GAREM1: variants seen among roughly 807,000 people sequenced by gnomAD.
GAREM1 encodes the protein GRB2-associated and regulator of MAPK protein 1.
GAREM1 carries 26 observed loss-of-function variants against 71.3 expected under a neutral mutation model. That is an observed-to-expected ratio of 0.36 (90% CI 0.27 to 0.51). The LOEUF (loss-of-function observed/expected upper bound fraction) is 0.51. Among genes scored for constraint, GAREM1 ranks in the 20% least tolerant of loss-of-function variants. The pLI is 0.95. For missense variants in GAREM1, 1,026 were observed against 1,103.1 expected, an observed-to-expected ratio of 0.93 and a Z score of 0.99; for synonymous variants, 440 against 433.2, an observed-to-expected ratio of 1.02 and a Z score of -0.20.
chr18:32,437,049 T>C (rs569651655), intron 1 of GAREM1, among the ~76,000 whole-genome samples: 4 of 152,328 alleles, frequency 2.6e-5, no homozygotes, highest in African/African-American at 7.2e-5. Flanking sequence ...AGTAACTCTA[T>C]AATGTTCTTC....
At chr18:32,408,549 T>C (rs1427711035) in intron 1 of GAREM1, among the ~76,000 whole-genome samples, 3 of 152,182 alleles carry the variant, frequency 2.0e-5, no homozygotes, top group Non-Finnish European at 4.4e-5. Context: ...TCAGCATTAA[T>C]ACCTGACTGA....
At chr18:32,403,604 C>A (rs572277745) in intron 1 of GAREM1, among the ~76,000 whole-genome samples, 1 of 152,226 alleles carries the variant, frequency 6.6e-6, no homozygotes, top group South Asian at 2.1e-4. Flanking sequence ...GAGATAGGTT[C>A]TTGCTCTGTC....
At chr18:32,295,714 G>A (rs2047133019) in intron 3 of GAREM1, among the ~76,000 whole-genome samples, 1 of 152,212 alleles carries the variant, frequency 6.6e-6, no homozygotes, top group Admixed American at 6.5e-5. Context: ...GTTTCCAATA[G>A]TGAAGTGAAT....
At position 32,287,241 on chromosome 18, in the gene GAREM1, G is replaced by A; in HGVS notation, c.1356C>T (p.Pro452=). The A allele has an allele frequency of 1.2e-6, 2 of 1,614,212 alleles. No individual in the cohort carries two copies. Residue 452 remains proline (P), a synonymous_variant, in exon 4 of 6, where the codon CCC becomes CCT. Coordinates refer to ENST00000269209, the MANE Select transcript of GAREM1 (RefSeq NM_001242409.2). The surrounding 1 kb of genome is among the most constrained non-coding windows in gnomAD (Gnocchi z 5.9). ...SAGIPGKSEL[P]YEELWLEEGK... ...CTTCCTCCAGCCACAGCTCTTCGTA[G>A]GGAAGTTCTGACTTTCCCGGGATGC...
intron 2 of GAREM1, among the ~76,000 whole-genome samples, chr18:32,378,760 T>C (rs2144637884): frequency 6.6e-6 from 1 of 152,182 alleles, no homozygotes; most frequent in South Asian, 2.1e-4. Flanking sequence ...CATCCTTCTC[T>C]TCCTGACTCA....
chr18:32,455,104 T>C (rs902292361), intron 1 of GAREM1, among the ~76,000 whole-genome samples: 2 of 152,210 alleles, frequency 1.3e-5, no homozygotes, highest in Non-Finnish European at 2.9e-5. Flanking sequence ...AAAGGTTATG[T>C]AGTAGACAAA....
In GAREM1 at chr18:32,470,371, C is replaced by A. The variant is rs770546920; in HGVS notation, c.58G>T (p.Ala20Ser). 1 of 1,559,196 alleles carries A rather than the reference C, an allele frequency of 6.4e-7. No individual in the cohort carries two copies. Reference protein sequence around the residue: ...SLKDVKWSSVAVPLDLLVSTY... With the variant: ...SLKDVKWSSVSVPLDLLVSTY... ...CTGACCAGGAGGTCGAGCGGCACGG[C>A]CACCGAGCTCCACTTCACATCCTTG... Residue 20 changes from alanine to serine, a missense_variant, in exon 1 of 6, where the codon GCC (alanine) becomes TCC (serine). Physicochemically the swap from Ala to Ser is moderately conservative, Grantham distance 99 (BLOSUM62 1). Around this residue, in one of 3 missense-constraint regions of GAREM1, gnomAD observed 172 missense variants for 175.2 expected, o/e 0.98. Transcript: ENST00000269209. The surrounding 1 kb of genome is among the most constrained non-coding windows in gnomAD (Gnocchi z 4.4).
At chr18:32,345,221 A>G (rs1487807359) in intron 2 of GAREM1, among the ~76,000 whole-genome samples, 1 of 152,228 alleles carries the variant, frequency 6.6e-6, no homozygotes, top group Non-Finnish European at 1.5e-5. Context: ...AATCATAAAG[A>G]TTTCATTCAT....
chr18:32,314,207 C>CA (rs1323004329), intron 2 of GAREM1, among the ~76,000 whole-genome samples: 1 of 151,768 alleles, frequency 6.6e-6, no homozygotes, highest in East Asian at 1.9e-4. Flanking sequence ...AAATTCTTAA[C>CA]AATTATGGTG....
intron 3 of GAREM1, among the ~76,000 whole-genome samples, chr18:32,294,945 G>A (rs929402216): frequency 6.6e-6 from 1 of 152,206 alleles, no homozygotes; most frequent in East Asian, 1.9e-4. Flanking sequence ...TATCATGTAA[G>A]TAATGTCTTT....
intron 1 of GAREM1, among the ~76,000 whole-genome samples, chr18:32,468,960 T>TTCCCCCCCCCCCCCCCCCCCCCCC (rs2049023776): frequency 1.2e-5 from 1 of 82,164 alleles, no homozygotes; most frequent in African/African-American, 4.9e-5. Context: ...CACCTGTGCG[T>TTCCCCCCCCCCCCCCCCCCCCCCC]CCCCCCCCCC....
In GAREM1 at chr18:32,459,465, C is replaced by T. The variant is rs183795565; in HGVS notation, c.121+10843G>A. Among the ~76,000 whole-genome samples, 361 of 151,870 alleles carry T rather than the reference C, an allele frequency of 2.4e-3. 3 individuals are homozygous for T. Among genetic ancestry groups the T allele is most frequent in the Middle Eastern group, 0.01 (3 of 292 alleles). On this transcript the variant is annotated intron_variant, in intron 1 of 5. Transcript: ENST00000269209. ...TCCTCTTAACTGGCCAAAGACAGGA[C>T]CAAAATAAACAGAAAAAATAAGAGT...
chr18:32,387,034 TA>T (rs771568393), intron 2 of GAREM1, among the ~76,000 whole-genome samples: 6,661 of 67,048 alleles, frequency 0.099, 184 homozygotes, highest in African/African-American at 0.19. Flanking sequence ...TTTTTTTTTT[TA>T]AAAAAAAATC....
At position 32,287,527 on chromosome 18, in the gene GAREM1, G is replaced by A; in HGVS notation, c.1070C>T (p.Pro357Leu). The A allele has an allele frequency of 1.2e-6, 2 of 1,614,178 alleles. No individual in the cohort carries two copies. Among genetic ancestry groups the A allele is most frequent in the Non-Finnish European group, 1.7e-6 (2 of 1,180,018 alleles). Residue 357 changes from proline to leucine, a missense_variant, in exon 4 of 6, where the codon CCC becomes CTC. By Grantham distance (98) the Pro-to-Leu change is moderately conservative. This residue lies in a region of GAREM1 where 218 missense variants were observed against 296.8 expected (regional missense o/e 0.73). Transcript: ENST00000269209. This position sits in a 1 kb window ranked among gnomAD's most constrained non-coding sequence, Gnocchi z 5.9. ...KTDWNEECKS[P>L]KKGRCSGHNH... ...GTGGCCAGAGCACCGACCCTTCTTG[G>A]GGCTCTTGCATTCTTCATTCCAGTC...
intron 1 of GAREM1, among the ~76,000 whole-genome samples, chr18:32,458,997 A>T (rs2048926998): frequency 6.6e-6 from 1 of 152,090 alleles, no homozygotes; most frequent in South Asian, 2.1e-4. Context: ...AGGACACTCA[A>T]AACAACTAAT....
chr18:32,362,910 A>C (rs1216607450), intron 2 of GAREM1, among the ~76,000 whole-genome samples: 1 of 152,200 alleles, frequency 6.6e-6, no homozygotes, highest in Non-Finnish European at 1.5e-5. Flanking sequence ...TTTTATACCA[A>C]CTAGCAAAGG....
rs111671137 is a variant in GAREM1, at chr18:32,300,705, G to C, written c.393+9488C>G. Among the ~76,000 whole-genome samples, 1,000 of 152,112 alleles carry C rather than the reference G, an allele frequency of 6.6e-3. 18 individuals carry two copies. Among genetic ancestry groups the C allele is most frequent in the African/African-American group, 0.022 (923 of 41,466 alleles). On this transcript the variant is annotated intron_variant, in intron 3 of 5. Transcript: ENST00000269209. ...GCAAATCGCTTGAGATCGGGAGTTC[G>C]AGACCAGCCTGACCAACATGGAGAA...
At chr18:32,444,464 G>T (rs1244706513) in intron 1 of GAREM1, among the ~76,000 whole-genome samples, 1 of 152,112 alleles carries the variant, frequency 6.6e-6, no homozygotes, top group Non-Finnish European at 1.5e-5. Flanking sequence ...GGAAGAAAAG[G>T]CCTCTGGTTT....
intron 3 of GAREM1, among the ~76,000 whole-genome samples, chr18:32,302,899 TG>T (rs2047214447): frequency 6.6e-6 from 1 of 152,216 alleles, no homozygotes; most frequent in African/African-American, 2.4e-5. Context: ...ACAGTGGCTC[TG>T]CTGCTAGGCA....
Sources: allele counts gnomAD v4.1 joint callset (sites outside exome capture counted in the v4.1 genomes callset), GRCh38; gene constraint gnomAD v4.1.1; regional missense constraint gnomAD v4.1.1; non-coding constraint Gnocchi (gnomAD v3.1); transcripts MANE v1.5; gene names NCBI Gene and HGNC (gene_info 2026-07-23, HGNC 2026-07-21).